The following TET1 variants were observed in gnomAD, a reference collection of about 807,000 sequenced individuals.
TET1 encodes tet methylcytosine dioxygenase 1, also known as methylcytosine dioxygenase TET1.
Under a neutral mutation model 148.7 loss-of-function variants are expected in TET1, and 13 were observed. The observed-to-expected ratio is 0.09, with a 90% confidence interval of 0.06 to 0.14. TET1 has a LOEUF of 0.14. Ranked by LOEUF, TET1 falls within the 10% of genes least tolerant of loss-of-function variation. The pLI, the probability that TET1 is intolerant of heterozygous loss-of-function variation, is 1.00. For synonymous variants in TET1, 907 were observed against 937.2 expected (o/e 0.97, Z 0.59); for missense variants, 2,182 against 2,553.8 (o/e 0.85, Z 3.14).
At chr10:68,635,714 G>A (rs2054639564) in intron 3 of TET1, among the ~76,000 whole-genome samples, 1 of 152,206 alleles carries the variant, frequency 6.6e-6, no homozygotes, top group African/African-American at 2.4e-5. Context: ...CTAGGGCCTG[G>A]GCAAGGTGGC....
At chr10:68,647,885 G>A (rs541875974) in intron 4 of TET1, among the ~76,000 whole-genome samples, 106 of 151,976 alleles carry the variant, frequency 7.0e-4, no homozygotes, top group African/African-American at 2.3e-3. Context: ...GTCTTTTTTT[G>A]TCCAAAGAGC....
intron 6 of TET1, among the ~76,000 whole-genome samples, chr10:68,653,926 G>C (rs1295408880): frequency 1.3e-5 from 2 of 151,878 alleles, no homozygotes. Context: ...GGCCAACATG[G>C]TGAAACCCCG....
chr10:68,584,902 C>A (rs948530447), intron 2 of TET1, among the ~76,000 whole-genome samples: 10 of 151,766 alleles, frequency 6.6e-5, no homozygotes, highest in African/African-American at 2.2e-4. Context: ...CTCACTGCAA[C>A]CTCCGTCTCC....
At chr10:68,566,198 T>C (rs1266347523) in intron 1 of TET1, among the ~76,000 whole-genome samples, 3 of 152,224 alleles carry the variant, frequency 2.0e-5, no homozygotes, top group Non-Finnish European at 4.4e-5. Flanking sequence ...ATTTTAATTT[T>C]TGTGGCTGAT....
Position 68,692,893 on chromosome 10 carries a change from C to T in TET1, c.*1079C>T, listed in dbSNP as rs2055611673. 4.3e-6 allele frequency: 1 copy of T among 230,264 alleles called. No homozygotes were observed. Among genetic ancestry groups the T allele is most frequent in the Admixed American group, 5.7e-5 (1 of 17,516 alleles). 14.3% of individuals were successfully genotyped at this position (230,264 alleles called of 1,614,324 possible). On this transcript the variant is annotated 3_prime_UTR_variant, in exon 12 of 12. Coordinates refer to ENST00000373644, the MANE Select transcript of TET1 (RefSeq NM_030625.3). ...TCTAATGTCTCAAGGTGATAAAATACAAAAACTAAGTAGACAGATATTTGT... is the reference window on the plus strand; with the variant it reads ...TCTAATGTCTCAAGGTGATAAAATATAAAAACTAAGTAGACAGATATTTGT...
chr10:68,611,834 C>T (rs1462616602), intron 3 of TET1, among the ~76,000 whole-genome samples: 5 of 51,686 alleles, frequency 9.7e-5, no homozygotes, highest in South Asian at 1.5e-3. Context: ...ATGAGTAGCT[C>T]GGGAGGTGGG....
At chr10:68,687,033 G>T (rs1164910916) in intron 11 of TET1, among the ~76,000 whole-genome samples, 1 of 151,708 alleles carries the variant, frequency 6.6e-6, no homozygotes, top group Admixed American at 6.6e-5. Context: ...GACCACAGGC[G>T]CCCGCCACCA....
chr10:68,688,659 C>G (rs948060381), intron 11 of TET1, among the ~76,000 whole-genome samples: 1 of 151,738 alleles, frequency 6.6e-6, no homozygotes, highest in Non-Finnish European at 1.5e-5. Context: ...AGGATGGTCT[C>G]GATCTCCTGA....
chr10:68,685,147 C>T (rs943549427), intron 10 of TET1, among the ~76,000 whole-genome samples: 1 of 151,938 alleles, frequency 6.6e-6, no homozygotes, highest in African/African-American at 2.4e-5. Flanking sequence ...CCCAGCTACT[C>T]GAGAGACTGA....
chr10:68,564,161 T>G (rs549304957), intron 1 of TET1, among the ~76,000 whole-genome samples: 1 of 152,196 alleles, frequency 6.6e-6, no homozygotes, highest in Admixed American at 6.5e-5. Flanking sequence ...GTTTTCTTTT[T>G]TTTTTTTTTC....
intron 8 of TET1, among the ~76,000 whole-genome samples, chr10:68,673,964 T>C (rs988272711): frequency 2.1e-5 from 3 of 141,560 alleles, no homozygotes; most frequent in Non-Finnish European, 4.6e-5. Flanking sequence ...CTTTTTCTTT[T>C]TTTTTTTTTT....
chr10:68,563,907 C>A (rs1296857336), intron 1 of TET1, among the ~76,000 whole-genome samples: 1 of 152,090 alleles, frequency 6.6e-6, no homozygotes, highest in Admixed American at 6.6e-5. Context: ...GTCTCAAACT[C>A]CTGACCTGAG....
intron 2 of TET1, among the ~76,000 whole-genome samples, chr10:68,598,700 C>CTTTTTTTTT (rs36067164): frequency 7.7e-6 from 1 of 129,902 alleles, no homozygotes; most frequent in Non-Finnish European, 1.6e-5. Flanking sequence ...CTTTTTCTTT[C>CTTTTTTTTT]TTTTTTTTTT....
chr10:68,610,057 G>A (rs1293094494), intron 3 of TET1, among the ~76,000 whole-genome samples: 1 of 152,126 alleles, frequency 6.6e-6, no homozygotes, highest in African/African-American at 2.4e-5. Flanking sequence ...GCCGAGACAG[G>A]AGGATCACGA....
chr10:68,668,941 T>G (rs958423607), intron 7 of TET1, among the ~76,000 whole-genome samples: 27 of 151,826 alleles, frequency 1.8e-4, no homozygotes, highest in African/African-American at 5.6e-4. Flanking sequence ...ACTATGATGA[T>G]GCCACTGAAC....
At chr10:68,599,838 G>C (rs2054031887) in intron 2 of TET1, among the ~76,000 whole-genome samples, 2 of 152,138 alleles carry the variant, frequency 1.3e-5, no homozygotes, top group South Asian at 2.1e-4. Context: ...GGAAATGAAG[G>C]TCATCAGAAA....
Position 68,682,851 on chromosome 10 carries a change from G to T in TET1, c.4930G>T (p.Val1644Phe). Reference sequence around the variant, plus strand: ...TCTTTTCTAGGTGGAATATGAAAATGTTGCCCGAGAATGTCGGCTTGGCAG... The same window carrying T: ...TCTTTTCTAGGTGGAATATGAAAATTTTGCCCGAGAATGTCGGCTTGGCAG... ...AYQNQVEYEN[V>F]ARECRLGSKE... is the part of the protein sequence containing the mutation. Residue 1644 changes from valine to phenylalanine, a missense_variant, in exon 10 of 12, where the codon GTT (valine) becomes TTT (phenylalanine). Val to Phe is a conservative substitution (Grantham distance 50, BLOSUM62 -1). Transcript: ENST00000373644. The T allele has an allele frequency of 1.2e-6, 2 of 1,613,178 alleles. No individual in the cohort carries two copies. Among genetic ancestry groups the T allele is most frequent in the Non-Finnish European group, 1.7e-6 (2 of 1,179,808 alleles).
intron 8 of TET1, 73 bp downstream of exon 8, chr10:68,673,118 A>T: frequency 7.4e-7 from 1 of 1,347,836 alleles, no homozygotes; most frequent in Admixed American, 2.2e-5. Flanking sequence ...TTCCTTTAAC[A>T]TTTTTTGAAA....
chr10:68,613,594 GA>G (rs974644885), intron 3 of TET1, among the ~76,000 whole-genome samples: 5 of 151,138 alleles, frequency 3.3e-5, no homozygotes, highest in Admixed American at 6.6e-5. Flanking sequence ...AAACAACATG[GA>G]AAAAAAAAGT....
Sources: gnomAD v4.1 joint callset for allele counts (sites outside exome capture counted in the v4.1 genomes callset) on GRCh38, gnomAD v4.1.1 for gene constraint, MANE v1.5 for transcripts, NCBI Gene and HGNC (gene_info 2026-07-23, HGNC 2026-07-21) for gene names.